Variants in PDZRN4 observed in about 807,000 individuals in gnomAD.
The protein encoded by PDZRN4 is PDZ domain-containing RING finger protein 4.
Under a neutral mutation model 99.0 loss-of-function variants are expected in PDZRN4, and 70 were observed. That is an observed-to-expected ratio of 0.71 (90% CI 0.58 to 0.86). The LOEUF (loss-of-function observed/expected upper bound fraction) is 0.86, where lower values mean the gene tolerates loss of function less well. PDZRN4 is among the 40% of genes least tolerant of loss of function. The pLI, the probability that PDZRN4 is intolerant of heterozygous loss-of-function variation, is 0.00. For missense variants in PDZRN4, 1,474 were observed against 1,331.2 expected (o/e 1.11, Z -1.67); for synonymous variants, 551 against 501.6 (o/e 1.10, Z -1.32).
chr12:41,555,676 A>T, intron 6 of PDZRN4, 22 bp from the exon 7 acceptor site: 1 of 1,595,222 alleles, frequency 6.3e-7, no homozygotes, highest in Non-Finnish European at 8.6e-7. Context: ...CCAGTTGAAG[A>T]TGTATGTCCT....
intron 3 of PDZRN4, among the ~76,000 whole-genome samples, chr12:41,454,320 C>T (rs1952800806): frequency 6.6e-6 from 1 of 152,192 alleles, no homozygotes; most frequent in African/African-American, 2.4e-5. Flanking sequence ...GATCAGGCTT[C>T]GGTCTCAACA....
intron 3 of PDZRN4, among the ~76,000 whole-genome samples, chr12:41,442,162 T>C (rs1402493633): frequency 3.3e-5 from 5 of 152,156 alleles, no homozygotes; most frequent in Non-Finnish European, 7.4e-5. Context: ...ATTCTTCCTC[T>C]AATGCAATTT....
chr12:41,403,433 G>A (rs935248138), intron 3 of PDZRN4, among the ~76,000 whole-genome samples: 4 of 152,094 alleles, frequency 2.6e-5, no homozygotes, highest in Admixed American at 6.6e-5. Flanking sequence ...TATTTCCATC[G>A]GGAACGTGAG....
At chr12:41,521,175 T>C (rs1446767973) in intron 5 of PDZRN4, among the ~76,000 whole-genome samples, 1 of 152,124 alleles carries the variant, frequency 6.6e-6, no homozygotes, top group Non-Finnish European at 1.5e-5. Flanking sequence ...CTTACAGATA[T>C]TCTCTTTTCA....
chr12:41,332,722 G>C (rs1951748298), intron 3 of PDZRN4, among the ~76,000 whole-genome samples: 1 of 126,714 alleles, frequency 7.9e-6, no homozygotes, highest in Non-Finnish European at 1.6e-5. Flanking sequence ...GGTCAGAATA[G>C]CAAGTTTTAC....
At chr12:41,197,983 C>T (rs1950788755) in intron 3 of PDZRN4, among the ~76,000 whole-genome samples, 1 of 135,070 alleles carries the variant, frequency 7.4e-6, no homozygotes, top group South Asian at 2.6e-4. Context: ...GGCATGATCA[C>T]AGCTCACTGC....
intron 3 of PDZRN4, among the ~76,000 whole-genome samples, chr12:41,489,100 T>A (rs1420791672): frequency 1.3e-5 from 2 of 152,216 alleles, no homozygotes; most frequent in Non-Finnish European, 2.9e-5. Flanking sequence ...GAGATTTTTT[T>A]AGCTCATCAG....
At chr12:41,268,602 T>G (rs1282845454) in intron 3 of PDZRN4, among the ~76,000 whole-genome samples, 2 of 152,226 alleles carry the variant, frequency 1.3e-5, no homozygotes, top group Non-Finnish European at 2.9e-5. Context: ...AAGACAGTTG[T>G]CTGTTAAACT....
chr12:41,527,212 G>T (rs767600920), intron 5 of PDZRN4, among the ~76,000 whole-genome samples: 18 of 152,154 alleles, frequency 1.2e-4, no homozygotes, highest in Non-Finnish European at 7.3e-5. Flanking sequence ...AAAGGTGAAG[G>T]CACTGACAAG....
chr12:41,554,499 A>G (rs564621970), intron 6 of PDZRN4, among the ~76,000 whole-genome samples: 1 of 152,290 alleles, frequency 6.6e-6, no homozygotes, highest in South Asian at 2.1e-4. Flanking sequence ...GGTGGCACCC[A>G]TAATAAGAAA....
intron 3 of PDZRN4, among the ~76,000 whole-genome samples, chr12:41,420,434 T>C (rs1952479072): frequency 6.6e-6 from 1 of 152,108 alleles, no homozygotes; most frequent in Admixed American, 6.6e-5. Flanking sequence ...CTTGAAAGAC[T>C]GGTTTTTGTC....
chr12:41,211,218 C>T (rs1950886257), intron 3 of PDZRN4, among the ~76,000 whole-genome samples: 1 of 151,696 alleles, frequency 6.6e-6, no homozygotes, highest in Non-Finnish European at 1.5e-5. Flanking sequence ...CCCTTTTGTC[C>T]CTGAGGGGGA....
At chr12:41,520,196 G>A (rs1359308332) in intron 5 of PDZRN4, among the ~76,000 whole-genome samples, 1 of 152,074 alleles carries the variant, frequency 6.6e-6, no homozygotes, top group Admixed American at 6.6e-5. Context: ...AAAAGATATG[G>A]TTACAGTTTT....
intron 3 of PDZRN4, among the ~76,000 whole-genome samples, chr12:41,297,199 T>A (rs1951501499): frequency 6.6e-6 from 1 of 152,078 alleles, no homozygotes; most frequent in South Asian, 2.1e-4. Context: ...CTTTTTGAAG[T>A]CCCCTTGTAT....
intron 3 of PDZRN4, among the ~76,000 whole-genome samples, chr12:41,205,173 C>T (rs1168299339): frequency 2.0e-5 from 3 of 151,884 alleles, no homozygotes; most frequent in Non-Finnish European, 2.9e-5. Flanking sequence ...ACCAAGTTAA[C>T]ATAAATGATT....
chr12:41,362,952 C>A (rs1241695000), intron 3 of PDZRN4, among the ~76,000 whole-genome samples: 1 of 152,078 alleles, frequency 6.6e-6, no homozygotes, highest in African/African-American at 2.4e-5. Context: ...TGTATATGTT[C>A]TGTTCTTTTA....
At chr12:41,260,956 G>T (rs1465784946) in intron 3 of PDZRN4, among the ~76,000 whole-genome samples, 1 of 151,920 alleles carries the variant, frequency 6.6e-6, no homozygotes, top group African/African-American at 2.4e-5. Context: ...TGTGTTTTAT[G>T]GAAATCAAAT....
chr12:41,288,685 A>G (rs2120902502), intron 3 of PDZRN4, among the ~76,000 whole-genome samples: 1 of 152,266 alleles, frequency 6.6e-6, no homozygotes, highest in East Asian at 1.9e-4. Context: ...AAAAATACGG[A>G]TACCTTTCTA....
intron 3 of PDZRN4, among the ~76,000 whole-genome samples, chr12:41,318,296 C>T (rs574900425): frequency 2.0e-5 from 3 of 152,204 alleles, no homozygotes; most frequent in African/African-American, 4.8e-5. Context: ...TATTTGCTAC[C>T]TTCTCACTAT....
Sources: allele counts gnomAD v4.1 joint callset (sites outside exome capture counted in the v4.1 genomes callset), GRCh38; gene constraint gnomAD v4.1.1; transcripts MANE v1.5; gene names NCBI Gene and HGNC (gene_info 2026-07-23, HGNC 2026-07-21).